The following RUNX1 variants were observed in gnomAD, a reference collection of about 807,000 sequenced individuals.
RUNX1 encodes the protein RUNX family transcription factor 1, also known as runt-related transcription factor 1.
A neutral mutation model predicts 42.8 loss-of-function variants in RUNX1; 19 were observed. That is an observed-to-expected ratio of 0.44 (90% CI 0.31 to 0.65). RUNX1 has a LOEUF of 0.65. RUNX1 is among the 30% of genes least tolerant of loss of function. RUNX1 has a pLI of 0.07. For missense variants in RUNX1, 528 were observed against 672.0 expected, an observed-to-expected ratio of 0.79 and a Z score of 2.37; for synonymous variants, 271 against 289.4, an observed-to-expected ratio of 0.94 and a Z score of 0.64.
At chr21:34,855,485 A>G (rs2057482876) in intron 6 of RUNX1, among the ~76,000 whole-genome samples, 1 of 152,168 alleles carries the variant, frequency 6.6e-6, no homozygotes, top group African/African-American at 2.4e-5. Flanking sequence ...TGGGCAGATC[A>G]CTTGAGGTCA....
rs377465305 is a variant in RUNX1 at position 34,791,998 on chromosome 21, G to A, written c.*137C>T. On this transcript the variant is annotated 3_prime_UTR_variant, in exon 9 of 9. Transcript: ENST00000675419. Reference sequence around the variant, plus strand: ...CCTGACCTACAGCGAGATCCTGGCCGTCGGGCGCCCTCGGCCCCAGGACGG... The same window carrying A: ...CCTGACCTACAGCGAGATCCTGGCCATCGGGCGCCCTCGGCCCCAGGACGG... 9.9e-6 allele frequency: 5 copies of A among 505,352 alleles called. No homozygotes were observed. Among genetic ancestry groups the A allele is most frequent in the African/African-American group, 4.2e-5 (2 of 47,746 alleles). The allele number at this position is 505,352 out of a possible 1,614,324, so 31.3% of individuals were successfully genotyped here.
rs2056433667 is a variant in RUNX1 at position 34,791,466 on chromosome 21, T to C, written c.*669A>G. The C allele has an allele frequency of 4.3e-6, 1 of 231,786 alleles. No homozygotes were observed. The highest frequency in any genetic ancestry group is 8.5e-6 in the Non-Finnish European group (1 of 117,282). The allele number at this position is 231,786 out of a possible 1,614,324, so 14.4% of individuals were successfully genotyped here. On this transcript the variant is annotated 3_prime_UTR_variant, in exon 9 of 9. Coordinates refer to ENST00000675419, the MANE Select transcript of RUNX1 (RefSeq NM_001754.5). Reference sequence around the variant, plus strand: ...ACAAAACAAAACAAAAAAAAACAACTACCCAAAAGTCCAAAAGAAAAGTTA... The same window carrying C: ...ACAAAACAAAACAAAAAAAAACAACCACCCAAAAGTCCAAAAGAAAAGTTA...
intron 2 of RUNX1, among the ~76,000 whole-genome samples, chr21:34,983,962 T>C (rs1466353528): frequency 2.0e-5 from 3 of 152,156 alleles, no homozygotes; most frequent in Admixed American, 2.0e-4. Context: ...AGATGATTAA[T>C]TCAGCTGGGG....
At chr21:34,896,240 A>G (rs1260265994) in intron 2 of RUNX1, among the ~76,000 whole-genome samples, 2 of 152,192 alleles carry the variant, frequency 1.3e-5, no homozygotes, top group Non-Finnish European at 2.9e-5. Flanking sequence ...GGGTACAATC[A>G]AACTCTATGC....
At chr21:34,926,684 T>C (rs1282463804) in intron 2 of RUNX1, among the ~76,000 whole-genome samples, 1 of 151,982 alleles carries the variant, frequency 6.6e-6, no homozygotes, top group Admixed American at 6.6e-5. Flanking sequence ...TTTGAACATA[T>C]CAGGTTAAGG....
At chr21:34,852,552 G>T (rs918564200) in intron 6 of RUNX1, among the ~76,000 whole-genome samples, 3 of 152,228 alleles carry the variant, frequency 2.0e-5, no homozygotes, top group Admixed American at 2.0e-4. Flanking sequence ...CAAGTCATCA[G>T]GTAGTTGAGG....
intron 2 of RUNX1, among the ~76,000 whole-genome samples, chr21:34,987,453 A>C (rs1297395672): frequency 3.9e-5 from 6 of 152,166 alleles, no homozygotes; most frequent in Non-Finnish European, 7.3e-5. Context: ...TTGATTCCTG[A>C]CATACTAATT....
chr21:34,865,128 G>A (rs898018068), intron 5 of RUNX1, among the ~76,000 whole-genome samples: 1 of 151,988 alleles, frequency 6.6e-6, no homozygotes, highest in Non-Finnish European at 1.5e-5. Flanking sequence ...TACAAGCAGA[G>A]CACAGGGAAA....
chr21:35,046,534 C>T (rs1373189155), intron 2 of RUNX1, among the ~76,000 whole-genome samples: 1 of 152,176 alleles, frequency 6.6e-6, no homozygotes, highest in Non-Finnish European at 1.5e-5. Context: ...GCTATGGCAA[C>T]AGGCTGAGAA....
chr21:34,837,720 G>T (rs1316368736), intron 6 of RUNX1, among the ~76,000 whole-genome samples: 1 of 152,186 alleles, frequency 6.6e-6, no homozygotes, highest in Non-Finnish European at 1.5e-5. Flanking sequence ...AAGCCCTTGG[G>T]TAGAACCAGG....
chr21:34,931,027 C>T (rs981857267), intron 2 of RUNX1, among the ~76,000 whole-genome samples: 1 of 152,080 alleles, frequency 6.6e-6, no homozygotes, highest in African/African-American at 2.4e-5. Flanking sequence ...ATCACTGCCA[C>T]CCACTTCTCA....
intron 2 of RUNX1, among the ~76,000 whole-genome samples, chr21:35,000,184 T>C (rs750893287): frequency 6.6e-5 from 10 of 151,980 alleles, no homozygotes; most frequent in Non-Finnish European, 1.3e-4. Context: ...AAACTGTGTC[T>C]ACTGATTTTT....
chr21:34,799,557 T>C, intron 7 of RUNX1, 95 bp from the exon 8 acceptor site: 21 of 1,071,382 alleles, frequency 2.0e-5, no homozygotes, highest in Non-Finnish European at 2.8e-5. Flanking sequence ...TTCAAATATG[T>C]CACATACATG....
chr21:34,837,995 A>G (rs538154792), intron 6 of RUNX1, among the ~76,000 whole-genome samples: 116 of 152,248 alleles, frequency 7.6e-4, no homozygotes, highest in Non-Finnish European at 1.3e-3. Flanking sequence ...AAAATTGTAT[A>G]TAATAAAAAT....
chr21:34,922,039 C>G (rs879919409), intron 2 of RUNX1, among the ~76,000 whole-genome samples: 3 of 152,176 alleles, frequency 2.0e-5, no homozygotes, highest in Non-Finnish European at 4.4e-5. Context: ...TTGAATACTT[C>G]CAACCCTCCT....
At chr21:34,984,436 TAC>T (rs66477543) in intron 2 of RUNX1, among the ~76,000 whole-genome samples, 63,717 of 151,732 alleles carry the variant, frequency 0.42, 14,373 homozygotes, top group Non-Finnish European at 0.49. Context: ...TATAGAACTA[TAC>T]ACAGTCTTCC....
intron 2 of RUNX1, among the ~76,000 whole-genome samples, chr21:34,899,116 G>T (rs1432070231): frequency 6.6e-6 from 1 of 152,146 alleles, no homozygotes; most frequent in Non-Finnish European, 1.5e-5. Context: ...GTTTCATCAT[G>T]TTGTCCACGC....
At chr21:34,864,750 T>G (rs913767608) in intron 5 of RUNX1, among the ~76,000 whole-genome samples, 1 of 152,224 alleles carries the variant, frequency 6.6e-6, no homozygotes, top group Non-Finnish European at 1.5e-5. Flanking sequence ...CAGCCAGGGC[T>G]TGGGTTCCAG....
In RUNX1 at chr21:34,791,740, G is replaced by T; in HGVS notation, c.*395C>A. 4.4e-6 allele frequency: 1 copy of T among 228,654 alleles called. No homozygotes were observed. The highest frequency in any genetic ancestry group is 6.2e-5 in the East Asian group (1 of 16,100). 14.2% of individuals were successfully genotyped at this position (228,654 alleles called of 1,614,324 possible). ...CCACACTCTTTGGAATAAACAACTTGGTTAAAAAGTTAAGTCAAGGGTATA... is the reference window on the plus strand; with the variant it reads ...CCACACTCTTTGGAATAAACAACTTTGTTAAAAAGTTAAGTCAAGGGTATA... On this transcript the variant is annotated 3_prime_UTR_variant, in exon 9 of 9. Transcript: ENST00000675419.
Sources: gnomAD v4.1 joint callset for allele counts (sites outside exome capture counted in the v4.1 genomes callset) on GRCh38, gnomAD v4.1.1 for gene constraint, MANE v1.5 for transcripts, NCBI Gene and HGNC (gene_info 2026-07-23, HGNC 2026-07-21) for gene names.